The following SGCD variants were observed in gnomAD, a reference collection of about 807,000 sequenced individuals.
SGCD encodes sarcoglycan delta.
In SGCD, 18 loss-of-function variants were observed where a neutral mutation model predicts 36.6. The ratio of observed to expected loss-of-function variants is 0.49; its 90% confidence interval spans 0.34 to 0.73. The LOEUF (loss-of-function observed/expected upper bound fraction) is 0.73. SGCD is among the 30% of genes least tolerant of loss of function. The pLI is 0.01. For missense variants in SGCD, 387 were observed against 346.7 expected (o/e 1.12, Z -0.92); for synonymous variants, 133 against 130.6 (o/e 1.02, Z -0.12).
At chr5:155,957,476 C>T (rs1757687441) in intron 1 of SGCD, among the ~76,000 whole-genome samples, 1 of 152,082 alleles carries the variant, frequency 6.6e-6, no homozygotes, top group Non-Finnish European at 1.5e-5. Context: ...ATGGGTTTCA[C>T]TGGGCTAAAA....
intron 1 of SGCD, among the ~76,000 whole-genome samples, chr5:156,055,684 ATTAGAT>A (rs1251184030): frequency 6.8e-6 from 1 of 146,488 alleles, no homozygotes; most frequent in Non-Finnish European, 1.5e-5. Context: ...TTATCTGAAA[ATTAGAT>A]TTAAACTAGC....
In SGCD at chr5:156,295,128, T is replaced by G. The variant is rs80082719; in HGVS notation, c.-43-34406T>G. The stretch of plus-strand genomic sequence containing the variant: ...CATGGCTTTTCTTTGTCTGGAGATT[T>G]TGATTATTGATTCAGTCTCCTCACT... On this transcript the variant is annotated intron_variant, in intron 3 of 9. Coordinates refer to the SGCD transcript ENST00000517913. Among the ~76,000 whole-genome samples, 1,107 of 152,292 alleles carry G rather than the reference T, an allele frequency of 7.3e-3. 7 individuals carry two copies. Among genetic ancestry groups the G allele is most frequent in the African/African-American group, 0.021 (859 of 41,562 alleles).
the SGCD span, among the ~76,000 whole-genome samples, chr5:155,846,666 C>G: frequency 6.6e-6 from 1 of 152,304 alleles, no homozygotes; most frequent in Non-Finnish European, 1.5e-5. Context: ...TATAAACCCA[C>G]CACTGCCATC....
chr5:156,695,853 T>C (rs1754300854), intron 7 of SGCD, among the ~76,000 whole-genome samples: 1 of 152,232 alleles, frequency 6.6e-6, no homozygotes, highest in Non-Finnish European at 1.5e-5. Context: ...ACATAGGGGC[T>C]AAGAAGAATC....
intron 7 of SGCD, among the ~76,000 whole-genome samples, chr5:156,744,833 T>TTTTATCATACCATGTCAA (rs1267696445): frequency 6.6e-6 from 1 of 152,178 alleles, no homozygotes; most frequent in Admixed American, 6.5e-5. Context: ...GTTGAGCTGA[T>TTTTATCATACCATGTCAA]TTTATCATAC....
intron 3 of SGCD, among the ~76,000 whole-genome samples, chr5:156,411,908 G>GGTT (rs3074050): frequency 0.8 from 120,873 of 151,944 alleles, 48,801 homozygotes; most frequent in African/African-American, 0.94. Context: ...TGTGAGTTAG[G>GGTT]GTTTTTGTTA....
intron 3 of SGCD, among the ~76,000 whole-genome samples, chr5:156,185,857 A>T (rs1351405737): frequency 4.4e-4 from 2 of 4,580 alleles, no homozygotes; most frequent in Non-Finnish European, 2.0e-3. Context: ...ATATAGAGAG[A>T]GAGAGAGAGA....
At chr5:155,796,784 C>T in the SGCD span, among the ~76,000 whole-genome samples, 1 of 92,642 alleles carries the variant, frequency 1.1e-5, no homozygotes, top group Non-Finnish European at 2.0e-5. Flanking sequence ...CCAGCCTGGG[C>T]AACAAGAGTG....
chr5:156,537,903 A>T (rs966046760), intron 4 of SGCD, among the ~76,000 whole-genome samples: 13 of 151,848 alleles, frequency 8.6e-5, no homozygotes, highest in African/African-American at 3.1e-4. Flanking sequence ...CTGCCTTCTC[A>T]TGGTTCTGGG....
intron 3 of SGCD, among the ~76,000 whole-genome samples, chr5:156,267,150 A>G (rs1766021963): frequency 6.6e-6 from 1 of 152,230 alleles, no homozygotes; most frequent in Non-Finnish European, 1.5e-5. Context: ...TTCATTGTGC[A>G]GAACTAGTTA....
intron 1 of SGCD, among the ~76,000 whole-genome samples, chr5:155,906,523 A>G (rs244955): frequency 0.87 from 132,007 of 152,198 alleles, 57,232 homozygotes; most frequent in Admixed American, 0.91. Context: ...TGCTACTCTG[A>G]TGAACACACA....
chr5:155,941,504 T>C (rs1234626285), intron 1 of SGCD, among the ~76,000 whole-genome samples: 2 of 151,128 alleles, frequency 1.3e-5, no homozygotes, highest in Non-Finnish European at 2.9e-5. Flanking sequence ...ATAATATTGA[T>C]ATTAAATAAT....
chr5:156,493,538 C>T (rs1756038105), intron 3 of SGCD, among the ~76,000 whole-genome samples: 1 of 152,020 alleles, frequency 6.6e-6, no homozygotes, highest in Admixed American at 6.6e-5. Context: ...AGGGAATTAC[C>T]CCAACTCTGG....
At chr5:156,075,573 G>C (rs1349290020) in intron 1 of SGCD, among the ~76,000 whole-genome samples, 3 of 152,184 alleles carry the variant, frequency 2.0e-5, no homozygotes, top group Non-Finnish European at 4.4e-5. Context: ...TTGTTGAATA[G>C]AGAGGTGAAC....
At chr5:156,408,524 G>T (rs1208588131) in intron 3 of SGCD, among the ~76,000 whole-genome samples, 1 of 151,976 alleles carries the variant, frequency 6.6e-6, no homozygotes, top group Admixed American at 6.5e-5. Flanking sequence ...ACACCCAGCT[G>T]ATTTTTGTCT....
chr5:156,135,271 A>T (rs2127607961), intron 3 of SGCD, among the ~76,000 whole-genome samples: 1 of 152,116 alleles, frequency 6.6e-6, no homozygotes, highest in Non-Finnish European at 1.5e-5. Context: ...TGTGTAATAT[A>T]TTTTATATGT....
chr5:156,154,276 G>A (rs1218929451), intron 3 of SGCD, among the ~76,000 whole-genome samples: 1 of 151,644 alleles, frequency 6.6e-6, no homozygotes, highest in Non-Finnish European at 1.5e-5. Context: ...ATTTTAGCCT[G>A]ATGTGTTAGA....
intron 1 of SGCD, among the ~76,000 whole-genome samples, chr5:155,894,197 A>C (rs937456728): frequency 1.3e-5 from 2 of 152,212 alleles, no homozygotes; most frequent in Non-Finnish European, 2.9e-5. Context: ...TTCAGTAAGA[A>C]ATTAACCTTA....
intron 3 of SGCD, among the ~76,000 whole-genome samples, chr5:156,389,966 G>GATA (rs1350177161): frequency 4.6e-5 from 7 of 152,178 alleles, no homozygotes; most frequent in African/African-American, 1.7e-4. Flanking sequence ...TAAGATTATT[G>GATA]ATGGAGCTGA....
Sources: gnomAD v4.1 joint callset for allele counts (sites outside exome capture counted in the v4.1 genomes callset) on GRCh38, gnomAD v4.1.1 for gene constraint, MANE v1.5 for transcripts, NCBI Gene and HGNC (gene_info 2026-07-23, HGNC 2026-07-21) for gene names.